The following C3orf22 variants were observed in gnomAD, a reference collection of about 807,000 sequenced individuals.
C3orf22 encodes uncharacterized protein C3orf22.
In C3orf22, 7 loss-of-function variants were observed where a neutral mutation model predicts 10.8. The ratio of observed to expected loss-of-function variants is 0.65; its 90% CI spans 0.37 to 1.22. The LOEUF is 1.22. Among genes scored for constraint, C3orf22 ranks in the 50% most tolerant of loss-of-function variants. C3orf22 has a pLI of 0.02. For missense variants in C3orf22, 173 were observed against 177.0 expected, an observed-to-expected ratio of 0.98 and a Z score of 0.13; for synonymous variants, 79 against 78.9, an observed-to-expected ratio of 1.00 and a Z score of 0.00.
intron 4 of C3orf22, chr3:126,542,259 G>T (rs1270912291): frequency 2.6e-6 from 4 of 1,549,504 alleles, no homozygotes; most frequent in Non-Finnish European, 2.6e-6. Flanking sequence ...CTGGACCCGC[G>T]CACGCGGCGT....
At chr3:126,530,673 G>T (rs1007605442) in intron 4 of C3orf22, among the ~76,000 whole-genome samples, 2 of 152,238 alleles carry the variant, frequency 1.3e-5, no homozygotes, top group African/African-American at 2.4e-5. Context: ...CCCAGCCTGG[G>T]TCTCCCTGCA....
At chr3:126,548,175 A>C (rs189415820), downstream of C3orf22, among the ~76,000 whole-genome samples, 1 of 152,282 alleles carries the variant, frequency 6.6e-6, no homozygotes, top group African/African-American at 2.4e-5. Context: ...TTGTATTTTT[A>C]GTAGAGACGG....
chr3:126,531,391 G>A (rs558662467), intron 4 of C3orf22, among the ~76,000 whole-genome samples: 35 of 152,242 alleles, frequency 2.3e-4, no homozygotes, highest in Non-Finnish European at 4.4e-4. Context: ...TCTTCTTAGC[G>A]ACATTTATAG....
intron 4 of C3orf22, among the ~76,000 whole-genome samples, chr3:126,533,548 C>T (rs1936702279): frequency 6.6e-6 from 1 of 152,134 alleles, no homozygotes. Flanking sequence ...TATATTTAGC[C>T]AATCTTGCAT....
At chr3:126,527,546 T>C (rs1936561126) in exon 6 of C3orf22, 1 of 152,376 alleles carries the variant, frequency 6.6e-6, no homozygotes, top group South Asian at 2.1e-4. Flanking sequence ...GGGTCTCAAG[T>C]GCCCGTCTCT....
At chr3:126,533,507 T>G (rs1468519455) in intron 4 of C3orf22, among the ~76,000 whole-genome samples, 1 of 152,230 alleles carries the variant, frequency 6.6e-6, no homozygotes, top group Non-Finnish European at 1.5e-5. Flanking sequence ...TTGATTCTAT[T>G]AATACAGTGT....
chr3:126,555,790 C>A (rs1450658548), intron 1 of C3orf22, among the ~76,000 whole-genome samples: 3 of 152,204 alleles, frequency 2.0e-5, no homozygotes, highest in African/African-American at 7.2e-5. Context: ...CCACCCCCTA[C>A]CTTCCTGCTC....
downstream of C3orf22, among the ~76,000 whole-genome samples, chr3:126,546,025 C>G (rs1937062360): frequency 6.6e-6 from 1 of 152,218 alleles, no homozygotes; most frequent in African/African-American, 2.4e-5. Flanking sequence ...ACAAACTGGA[C>G]AGTCCATTCC....
intron 4 of C3orf22, among the ~76,000 whole-genome samples, chr3:126,539,442 C>G (rs35656703): frequency 6.6e-6 from 1 of 151,654 alleles, no homozygotes; most frequent in African/African-American, 2.4e-5. Context: ...TACATGGACA[C>G]ACACACAACC....
At position 126,549,794 on chromosome 3, in the gene C3orf22, G is replaced by T. The variant is rs966308044; in HGVS notation, c.*74C>A. 4 of 1,536,562 alleles carry T rather than the reference G, an allele frequency of 2.6e-6. No homozygotes were observed. Among genetic ancestry groups the T allele is most frequent in the South Asian group, 2.6e-5 (2 of 77,838 alleles). ...CATGAAGGCTGATCCCTTTACTAAA[G>T]TCTCTGTGGCTACTGCCCAGAGCCT... On this transcript the variant is annotated 3_prime_UTR_variant, in exon 4 of 4. Coordinates refer to ENST00000318225, the MANE Select transcript of C3orf22 (RefSeq NM_152533.3).
chr3:126,544,185 G>A (rs182575547), intron 4 of C3orf22, among the ~76,000 whole-genome samples: 131 of 152,166 alleles, frequency 8.6e-4, no homozygotes, highest in Non-Finnish European at 1.5e-3. Flanking sequence ...GAGTGGGACC[G>A]GTGGCTTTAT....
At chr3:126,542,365 G>C in intron 4 of C3orf22, 1 of 1,561,490 alleles carries the variant, frequency 6.4e-7, no homozygotes, top group Non-Finnish European at 8.7e-7. Flanking sequence ...AGACGCTGGC[G>C]GAGGACGCGG....
exon 6 of C3orf22, chr3:126,527,716 G>A (rs1173723669): frequency 6.6e-6 from 1 of 152,270 alleles, no homozygotes; most frequent in Non-Finnish European, 1.5e-5. Flanking sequence ...CAAAGGGAGG[G>A]GAAGTGGCTG....
intron 4 of C3orf22, among the ~76,000 whole-genome samples, chr3:126,540,935 T>C (rs193288755): frequency 6.6e-6 from 1 of 152,346 alleles, no homozygotes; most frequent in East Asian, 1.9e-4. Flanking sequence ...AACACTTTCT[T>C]TTATGAACTC....
At chr3:126,528,532 T>A (rs1165642948) in intron 5 of C3orf22, among the ~76,000 whole-genome samples, 1 of 151,946 alleles carries the variant, frequency 6.6e-6, no homozygotes, top group Non-Finnish European at 1.5e-5. Context: ...ATCACCAAGG[T>A]GGGGCGAGGA....
At chr3:126,550,810 C>T (rs1378393251) in intron 3 of C3orf22, among the ~76,000 whole-genome samples, 1 of 152,244 alleles carries the variant, frequency 6.6e-6, no homozygotes, top group Non-Finnish European at 1.5e-5. Flanking sequence ...AGCCTTGGCT[C>T]AGCCCACTGC....
intron 1 of C3orf22, 25 bp from the exon 2 acceptor site, chr3:126,553,455 AGGGGGCAGGGGTGGTG>A: frequency 1.7e-6 from 1 of 590,546 alleles, no homozygotes; most frequent in Non-Finnish European, 3.0e-6. Flanking sequence ...GAGGCGTCAG[AGGGGGCAGGGGTGGTG>A]GGGGGCAGAA....
At chr3:126,537,395 G>T (rs1033266435) in intron 4 of C3orf22, among the ~76,000 whole-genome samples, 5 of 152,232 alleles carry the variant, frequency 3.3e-5, no homozygotes, top group Admixed American at 1.3e-4. Flanking sequence ...AAGGTTTTAA[G>T]CAAGGAAGGA....
At chr3:126,531,083 A>C (rs927530591) in intron 4 of C3orf22, among the ~76,000 whole-genome samples, 11 of 152,268 alleles carry the variant, frequency 7.2e-5, no homozygotes, top group African/African-American at 2.4e-4. Flanking sequence ...CTGTTTATTC[A>C]GCACAGACCA....
Sources: gnomAD v4.1 joint callset for allele counts (sites outside exome capture counted in the v4.1 genomes callset) on GRCh38, gnomAD v4.1.1 for gene constraint, MANE v1.5 for transcripts, NCBI Gene and HGNC (gene_info 2026-07-23, HGNC 2026-07-21) for gene names.